Variants in EVPLL observed in about 807,000 individuals in gnomAD.
The protein encoded by EVPLL is envoplakin like.
A neutral mutation model predicts 46.2 loss-of-function variants in EVPLL; 39 were observed. The observed-to-expected ratio is 0.84, with a 90% CI of 0.65 to 1.10. The LOEUF (loss-of-function observed/expected upper bound fraction) is 1.10. Ranked by LOEUF, EVPLL falls within the 50% of genes least tolerant of loss-of-function variation. The pLI is 0.00. For synonymous variants in EVPLL, 156 were observed against 165.8 expected, an observed-to-expected ratio of 0.94 and a Z score of 0.46; for missense variants, 385 against 412.6, an observed-to-expected ratio of 0.93 and a Z score of 0.58.
chr17:18,384,892 G>T (rs1030452869), intron 9 of EVPLL, among the ~76,000 whole-genome samples: 3 of 152,164 alleles, frequency 2.0e-5, no homozygotes, highest in Non-Finnish European at 4.4e-5. Flanking sequence ...CAGCTCGTCT[G>T]CAGAGGAGGC....
intron 4 of EVPLL, chr17:18,382,094 T>C (rs556707801): frequency 1.1e-5 from 4 of 370,626 alleles, no homozygotes; most frequent in South Asian, 9.1e-5. Flanking sequence ...GGTTGAGGAG[T>C]TGTGCTTTGA....
intron 1 of EVPLL, 106 bp from the exon 2 acceptor site, chr17:18,380,796 G>T: frequency 3.2e-6 from 3 of 929,872 alleles, no homozygotes; most frequent in Non-Finnish European, 3.3e-6. Context: ...AGTGTGCTAG[G>T]CTGTGGGGGC....
Position 18,383,285 on chromosome 17 carries a change from C to G in EVPLL, c.687C>G (p.His229Gln), listed in dbSNP as rs1259789404. ...CTCGCCCCCAGCACTTCAAGCAGCA[C>G]GAGCTGCTGAGCCAGGAGCAGAGCG... ...VRREYEHFKQ[H>Q]ELLSQEQSVN... Residue 229 changes from histidine (H) to glutamine (Q), a missense_variant, in exon 8 of 11, where the codon CAC becomes CAG. His to Gln is a conservative substitution (Grantham distance 24, BLOSUM62 0). Transcript: ENST00000399134. 18 of 1,592,564 alleles carry G rather than the reference C, an allele frequency of 1.1e-5. No homozygotes were observed. Among genetic ancestry groups the G allele is most frequent in the Non-Finnish European group, 1.5e-5 (17 of 1,171,412 alleles).
chr17:18,386,326 C>T (rs1418434403), intron 9 of EVPLL: 1 of 152,152 alleles, frequency 6.6e-6, no homozygotes, highest in Non-Finnish European at 1.5e-5. Flanking sequence ...TAACTTATTT[C>T]CATAAGACGC....
chr17:18,388,370 T>G, intron 10 of EVPLL, 82 bp downstream of exon 10: 1 of 699,992 alleles, frequency 1.4e-6, no homozygotes. Context: ...CAGCCTAGTC[T>G]CAAGGGTTCT....
In EVPLL at chr17:18,383,597, C is replaced by T; in HGVS notation, c.876+10C>T. The T allele has an allele frequency of 2.7e-6, 3 of 1,109,552 alleles. No individual in the cohort carries two copies. Among genetic ancestry groups the T allele is most frequent in the Non-Finnish European group, 2.3e-6 (2 of 853,448 alleles). The allele number at this position is 1,109,552 out of a possible 1,614,324, so 68.7% of individuals were successfully genotyped here. On this transcript the variant is annotated intron_variant, in intron 9 of 10. Transcript: ENST00000399134. ...GGAGGACTACAGCCGGGTGAGCCCT[C>T]GGGCAGCGGCAGGGCGGCAGGGCGG...
intron 1 of EVPLL, among the ~76,000 whole-genome samples, chr17:18,379,071 C>T (rs1474342798): frequency 6.6e-6 from 1 of 152,212 alleles, no homozygotes; most frequent in African/African-American, 2.4e-5. Context: ...CAGAGCAAGA[C>T]CCTGTCTGTT....
At chr17:18,387,373 T>A (rs35418981) in intron 9 of EVPLL, among the ~76,000 whole-genome samples, 83,492 of 144,730 alleles carry the variant, frequency 0.58, 23,908 homozygotes, top group African/African-American at 0.65. Context: ...CTGAGCTCCC[T>A]TCATTTTTCA....
At position 18,381,193 on chromosome 17, in the gene EVPLL, G is replaced by A; in HGVS notation, c.64-174G>A. The A allele has an allele frequency of 8.0e-7, 1 of 1,248,224 alleles. No individual in the cohort carries two copies. Among genetic ancestry groups the A allele is most frequent in the South Asian group, 1.5e-5 (1 of 66,850 alleles). 77.3% of individuals were successfully genotyped at this position (1,248,224 alleles called of 1,614,324 possible). ...ACTTCCTTCTTTGCTGGGCTCCCCT[G>A]TGTCTTTGTCACCTGCCTCATGGAC... is the stretch of plus-strand genomic sequence containing the variant. On this transcript the variant is annotated intron_variant, in intron 2 of 10. Coordinates refer to ENST00000399134, the MANE Select transcript of EVPLL (RefSeq NM_001145127.2). This position sits in a 1 kb window ranked among gnomAD's most constrained non-coding sequence, Gnocchi z 4.2.
At position 18,382,602 on chromosome 17, in the gene EVPLL, C is replaced by A. The variant is rs1309612649; in HGVS notation, c.436C>A (p.Arg146=). The change falls in exon 5 of 11, where the codon CGA becomes AGA. Residue 146 remains arginine, a synonymous_variant. Transcript: ENST00000399134. The part of the protein sequence containing the change: ...GAQHRAEGDQ[R]PRRAAAEPGG... Reference sequence around the variant, plus strand: ...TCAACATCGTGCAGAAGGAGATCAACGACCAAGGAGAGCAGCTGCGGAGCC... The same window carrying A: ...TCAACATCGTGCAGAAGGAGATCAAAGACCAAGGAGAGCAGCTGCGGAGCC... The A allele has an allele frequency of 6.4e-7, 1 of 1,551,930 alleles. No homozygotes were observed. The highest frequency in any genetic ancestry group is 8.7e-7 in the Non-Finnish European group (1 of 1,147,070).
intron 1 of EVPLL, among the ~76,000 whole-genome samples, chr17:18,378,212 T>C (rs1478204433): frequency 6.6e-6 from 1 of 152,228 alleles, no homozygotes; most frequent in African/African-American, 2.4e-5. Context: ...TGGGGCTCCC[T>C]ACATCCTCTA....
At chr17:18,388,429 C>T in intron 10 of EVPLL, 141 bp downstream of exon 10, 1 of 589,772 alleles carries the variant, frequency 1.7e-6, no homozygotes, top group Non-Finnish European at 3.1e-6. Flanking sequence ...ATCTGGCCTC[C>T]ATGGGAAGGA....
intron 1 of EVPLL, among the ~76,000 whole-genome samples, chr17:18,378,411 G>A (rs1488291343): frequency 1.3e-5 from 2 of 152,162 alleles, no homozygotes; most frequent in Non-Finnish European, 2.9e-5. Flanking sequence ...GAGGACTGAG[G>A]GGGTGGGGTG....
intron 1 of EVPLL, chr17:18,380,313 C>T (rs617624): frequency 0.33 from 49,910 of 152,418 alleles, 8,744 homozygotes; most frequent in Non-Finnish European, 0.39. Context: ...GGCTTTGAAC[C>T]CTCAACTCTG....
In EVPLL at chr17:18,383,168, G is replaced by C. The variant is rs1305312671; in HGVS notation, c.655G>C (p.Val219Leu). ...CGACCTCATGGCCGACCCTGCGGGC[G>C]TGCGGCGGGAATACGAGGTCGGCTG... ...WSDLMADPAG[V>L]RREYEHFKQH... is the part of the protein sequence containing the mutation. Residue 219 changes from valine (V) to leucine (L), a missense_variant, in exon 7 of 11, where the codon GTG (valine) becomes CTG (leucine). By Grantham distance (32) the Val-to-Leu change is conservative (BLOSUM62 1). Coordinates refer to ENST00000399134, the MANE Select transcript of EVPLL (RefSeq NM_001145127.2). 6.5e-7 allele frequency: 1 copy of C among 1,549,584 alleles called. No individual in the cohort carries two copies. The highest frequency in any genetic ancestry group is 1.9e-5 in the Admixed American group (1 of 52,982).
At position 18,380,850 on chromosome 17, in the gene EVPLL, C is replaced by T. The variant is rs1370872798; in HGVS notation, c.-36-52C>T. ...GGCAGGGGACGCCACCTGGATGGGG[C>T]ACAGAGGGGCCTCTTCCACCGAGCT... On this transcript the variant is annotated intron_variant, in intron 1 of 10. Transcript: ENST00000399134. The T allele has an allele frequency of 5.5e-6, 8 of 1,466,984 alleles. No homozygotes were observed. In the East Asian group the frequency reaches 1.7e-4, roughly 32 times the overall value. 90.9% of individuals were successfully genotyped at this position (1,466,984 alleles called of 1,614,324 possible). A position where few individuals can be genotyped will look rare whatever the true frequency, so the allele number is the denominator to read the frequency against.
At chr17:18,383,413 G>C (rs1342081632) in intron 8 of EVPLL, 35 bp downstream of exon 8, 1 of 1,543,624 alleles carries the variant, frequency 6.5e-7, no homozygotes. Flanking sequence ...GAGAAGGGAC[G>C]TGGTGGGCGG....
At position 18,378,782 on chromosome 17, in the gene EVPLL, T is replaced by TA. The variant is rs879305571; in HGVS notation, c.-37+813dup. 1.6e-3 allele frequency among the ~76,000 whole-genome samples: 230 copies of TA among 141,424 alleles called. 1 individual carries two copies. The highest frequency in any genetic ancestry group is 2.0e-3 in the Non-Finnish European group (129 of 64,930). 92.8% of individuals were successfully genotyped at this position (141,424 alleles called of 152,430 possible). ...GGGTGACAGACTGTGACTCTGTCTT[T>TA]AAAAAAAAAAAAAATCCTGGTGCAA... On this transcript the variant is annotated intron_variant, in intron 1 of 10. Coordinates refer to ENST00000399134, the MANE Select transcript of EVPLL (RefSeq NM_001145127.2).
At chr17:18,379,039 A>C (rs923386129) in intron 1 of EVPLL, among the ~76,000 whole-genome samples, 20 of 152,280 alleles carry the variant, frequency 1.3e-4, no homozygotes, top group East Asian at 5.8e-4. Flanking sequence ...GTGATCACTC[A>C]ACTGCACTCT....
Sources: gnomAD v4.1 joint callset for allele counts (sites outside exome capture counted in the v4.1 genomes callset) on GRCh38, gnomAD v4.1.1 for gene constraint, Gnocchi (gnomAD v3.1) non-coding constraint, MANE v1.5 for transcripts, NCBI Gene and HGNC (gene_info 2026-07-23, HGNC 2026-07-21) for gene names.